The following PDE4D variants were observed in gnomAD, a reference collection of about 807,000 sequenced individuals.
PDE4D encodes the protein 3',5'-cyclic-AMP phosphodiesterase 4D.
PDE4D carries 24 observed loss-of-function variants against 87.4 expected under a neutral mutation model. The observed-to-expected ratio is 0.27, with a 90% confidence interval of 0.20 to 0.39. The LOEUF (loss-of-function observed/expected upper bound fraction) is 0.39. Ranked by LOEUF, PDE4D falls within the 10% of genes least tolerant of loss-of-function variation. The pLI is 1.00. For synonymous variants in PDE4D, 384 were observed against 383.2 expected, an observed-to-expected ratio of 1.00 and a Z score of -0.02; for missense variants, 714 against 1,041.0, an observed-to-expected ratio of 0.69 and a Z score of 4.32.
intron 1 of PDE4D, among the ~76,000 whole-genome samples, chr5:60,389,352 A>G (rs1762416397): frequency 6.6e-6 from 1 of 152,162 alleles, no homozygotes; most frequent in Admixed American, 6.5e-5. Context: ...TTTTCGAAGG[A>G]GAGAATAAAA....
At chr5:60,142,526 C>G (rs1780624557) in intron 2 of PDE4D, among the ~76,000 whole-genome samples, 1 of 152,174 alleles carries the variant, frequency 6.6e-6, no homozygotes, top group Admixed American at 6.5e-5. Context: ...CAGATGAAAT[C>G]TGAGCCCTCT....
chr5:60,109,192 T>C (rs1004091417), intron 2 of PDE4D, among the ~76,000 whole-genome samples: 2 of 152,070 alleles, frequency 1.3e-5, no homozygotes, highest in African/African-American at 4.8e-5. Context: ...CATCAAAAAG[T>C]GGGCGAAGGC....
chr5:59,071,996 G>C (rs532957405), intron 5 of PDE4D, among the ~76,000 whole-genome samples: 2 of 152,006 alleles, frequency 1.3e-5, no homozygotes, highest in South Asian at 4.1e-4. Context: ...GCCAACATCT[G>C]TACTTTGAAG....
chr5:59,772,693 C>A (rs1403625682), intron 1 of PDE4D, among the ~76,000 whole-genome samples: 1 of 152,152 alleles, frequency 6.6e-6, no homozygotes, highest in African/African-American at 2.4e-5. Flanking sequence ...ATGATTTATA[C>A]TCAGCTATGG....
At chr5:60,293,417 G>A (rs1220707126) in intron 1 of PDE4D, among the ~76,000 whole-genome samples, 1 of 152,100 alleles carries the variant, frequency 6.6e-6, no homozygotes, top group Non-Finnish European at 1.5e-5. Flanking sequence ...GGGAGGCTGA[G>A]GCAGGAGAAT....
At chr5:60,442,387 C>T (rs1469982429) in intron 1 of PDE4D, among the ~76,000 whole-genome samples, 3 of 151,534 alleles carry the variant, frequency 2.0e-5, no homozygotes, top group Admixed American at 6.6e-5. Flanking sequence ...GGGAGTTGAA[C>T]GATGAGAACA....
At chr5:60,364,811 C>T (rs1760381450) in intron 1 of PDE4D, among the ~76,000 whole-genome samples, 2 of 152,190 alleles carry the variant, frequency 1.3e-5, no homozygotes, top group South Asian at 4.1e-4. Flanking sequence ...GATTAAATAT[C>T]TGTTTTTAAA....
At chr5:59,586,630 C>A (rs1257975492) in intron 1 of PDE4D, 7 of 1,209,844 alleles carry the variant, frequency 5.8e-6, no homozygotes, top group Admixed American at 8.8e-5. Context: ...TTAGGTTCCA[C>A]TAGTTAGTCA....
chr5:59,825,324 T>C (rs1770195472), intron 1 of PDE4D, among the ~76,000 whole-genome samples: 1 of 152,238 alleles, frequency 6.6e-6, no homozygotes, highest in Non-Finnish European at 1.5e-5. Context: ...TGAAGAACCA[T>C]CTCAGAGTTG....
intron 1 of PDE4D, among the ~76,000 whole-genome samples, chr5:59,308,692 G>T (rs560091031): frequency 6.6e-6 from 1 of 151,990 alleles, no homozygotes; most frequent in African/African-American, 2.4e-5. Context: ...CTCTGTGGGG[G>T]TTCTTAGCTT....
intron 1 of PDE4D, among the ~76,000 whole-genome samples, chr5:59,313,247 C>A (rs1470217982): frequency 1.3e-5 from 2 of 152,172 alleles, no homozygotes; most frequent in East Asian, 3.9e-4. Context: ...TGTTGGGTAA[C>A]AGGAGCAAGT....
chr5:59,361,868 T>C (rs921134789), intron 1 of PDE4D, among the ~76,000 whole-genome samples: 11 of 152,238 alleles, frequency 7.2e-5, no homozygotes, highest in African/African-American at 2.2e-4. Flanking sequence ...TATATGTGCC[T>C]AAATAGGGGC....
In PDE4D at chr5:59,295,218, A is replaced by C. The variant is rs189800355; in HGVS notation, c.456-79250T>G. 7.5e-4 allele frequency among the ~76,000 whole-genome samples: 114 copies of C among 152,330 alleles called. 1 individual carries two copies. Among genetic ancestry groups the C allele is most frequent in the Middle Eastern group, 3.4e-3 (1 of 294 alleles). On this transcript the variant is annotated intron_variant, in intron 1 of 14. Coordinates refer to ENST00000340635, the MANE Select transcript of PDE4D (RefSeq NM_001104631.2). ...AAGAAAGCTAACCAAATAACGTTTTACTATTGACTAATAAACTTTTCTAAT... is the reference window on the plus strand; with the variant it reads ...AAGAAAGCTAACCAAATAACGTTTTCCTATTGACTAATAAACTTTTCTAAT...
At chr5:58,999,383 GA>G in intron 6 of PDE4D, 1 of 455,614 alleles carries the variant, frequency 2.2e-6, no homozygotes, top group South Asian at 4.5e-5. Context: ...CATGTGTAAG[GA>G]AAGAATACAT....
intron 1 of PDE4D, among the ~76,000 whole-genome samples, chr5:59,434,749 C>CTGTA (rs1796566427): frequency 6.6e-6 from 1 of 152,084 alleles, no homozygotes; most frequent in Non-Finnish European, 1.5e-5. Flanking sequence ...TTCTTATATT[C>CTGTA]CCTAGTACTG....
chr5:59,296,566 T>C (rs1769141444), intron 1 of PDE4D, among the ~76,000 whole-genome samples: 1 of 152,186 alleles, frequency 6.6e-6, no homozygotes, highest in African/African-American at 2.4e-5. Flanking sequence ...GTACTTCATC[T>C]ATATATTCTC....
chr5:60,344,223 C>T (rs1366716818), intron 1 of PDE4D, among the ~76,000 whole-genome samples: 1 of 152,168 alleles, frequency 6.6e-6, no homozygotes, highest in East Asian at 1.9e-4. Context: ...CCTCCACATA[C>T]TTGCTATCTT....
At chr5:59,150,066 A>G (rs1779260760) in intron 5 of PDE4D, among the ~76,000 whole-genome samples, 1 of 152,162 alleles carries the variant, frequency 6.6e-6, no homozygotes, top group Admixed American at 6.5e-5. Flanking sequence ...TGGGAGGTCC[A>G]AATTCAGAGC....
intron 3 of PDE4D, among the ~76,000 whole-genome samples, chr5:59,976,817 A>G (rs1215844468): frequency 6.6e-6 from 1 of 152,148 alleles, no homozygotes; most frequent in Non-Finnish European, 1.5e-5. Context: ...TTCTCAGAAT[A>G]TTATGAACTT....
Sources: gnomAD v4.1 joint callset for allele counts (sites outside exome capture counted in the v4.1 genomes callset) on GRCh38, gnomAD v4.1.1 for gene constraint, MANE v1.5 for transcripts, NCBI Gene and HGNC (gene_info 2026-07-23, HGNC 2026-07-21) for gene names.